ANKUB1: variants seen among roughly 807,000 people sequenced by gnomAD.
The protein encoded by ANKUB1 is ankyrin repeat and ubiquitin domain containing 1, also known as protein ANKUB1.
In ANKUB1, 42 loss-of-function variants were observed where a neutral mutation model predicts 49.3. The ratio of observed to expected loss-of-function variants is 0.85; its 90% CI spans 0.67 to 1.10. The LOEUF (loss-of-function observed/expected upper bound fraction) is 1.10, where lower values mean the gene tolerates loss of function less well. ANKUB1 is among the 50% of genes least tolerant of loss of function. The probability of loss-of-function intolerance (pLI) is 0.00; values close to 1 mark genes in which losing one functional copy is unlikely to be tolerated. For missense variants in ANKUB1, 613 were observed against 642.0 expected (o/e 0.95, Z 0.49); for synonymous variants, 222 against 231.0 (o/e 0.96, Z 0.35).
chr3:149,791,222 C>T (rs1435301993), intron 1 of ANKUB1, among the ~76,000 whole-genome samples: 1 of 152,148 alleles, frequency 6.6e-6, no homozygotes, highest in Non-Finnish European at 1.5e-5. Context: ...CTGTGACTGA[C>T]ACCAATAGAA....
chr3:149,777,693 C>T (rs987926923), intron 3 of ANKUB1, among the ~76,000 whole-genome samples: 2 of 152,174 alleles, frequency 1.3e-5, no homozygotes, highest in Non-Finnish European at 2.9e-5. Context: ...TCCCTTCCTC[C>T]TCTCAGATGA....
chr3:149,767,151 C>T lies in ANKUB1; in HGVS notation c.1505+6G>A. 3 of 1,507,266 alleles carry T rather than the reference C, an allele frequency of 2.0e-6. No individual in the cohort carries two copies. Among genetic ancestry groups the T allele is most frequent in the Non-Finnish European group, 2.7e-6 (3 of 1,128,328 alleles). 93.4% of individuals were successfully genotyped at this position (1,507,266 alleles called of 1,614,324 possible). A position where few individuals can be genotyped will look rare whatever the true frequency, so the allele number is the denominator to read the frequency against. ...GCTGTTTGTATGTTTAAGGGGAGAA[C>T]ATTACCTTGCCACAGCTAAGCAGTA... On this transcript the variant is annotated splice_donor_region_variant and intron_variant, in intron 5 of 5. Coordinates refer to ENST00000446160, the MANE Select transcript of ANKUB1 (RefSeq NM_001144960.3).
intron 5 of ANKUB1, among the ~76,000 whole-genome samples, chr3:149,764,239 G>T (rs1020345688): frequency 6.6e-6 from 1 of 152,138 alleles, no homozygotes; most frequent in Non-Finnish European, 1.5e-5. Context: ...TCAGGTAGAT[G>T]TAAGTGCTTT....
intron 3 of ANKUB1, among the ~76,000 whole-genome samples, chr3:149,775,921 A>G (rs1359931337): frequency 1.3e-5 from 2 of 151,646 alleles, no homozygotes; most frequent in Admixed American, 6.6e-5. Flanking sequence ...GTGTGTGTGC[A>G]TGTATATGTA....
chr3:149,792,420 G>T lies in ANKUB1; in HGVS notation c.-54C>A. On this transcript the variant is annotated 5_prime_UTR_variant, in exon 1 of 6. Coordinates refer to ENST00000446160, the MANE Select transcript of ANKUB1 (RefSeq NM_001144960.3). ...ATCCAACTTTTTCAAAGATTCTCCT[G>T]GATGGCTAGAAAAATTCCGGTTCAC... is the stretch of plus-strand genomic sequence containing the variant. 7.4e-7 allele frequency: 1 copy of T among 1,356,062 alleles called. No homozygotes were observed. Among genetic ancestry groups the T allele is most frequent in the Non-Finnish European group, 9.8e-7 (1 of 1,019,810 alleles). 84.0% of individuals were successfully genotyped at this position (1,356,062 alleles called of 1,614,324 possible).
intron 2 of ANKUB1, 42 bp downstream of exon 2, chr3:149,790,739 T>A: frequency 1.3e-6 from 2 of 1,503,834 alleles, no homozygotes; most frequent in Non-Finnish European, 1.8e-6. Context: ...TTATTCAAAA[T>A]GAGATAGATA....
chr3:149,782,770 C>T (rs2108277059), intron 2 of ANKUB1, among the ~76,000 whole-genome samples: 1 of 152,152 alleles, frequency 6.6e-6, no homozygotes, highest in Non-Finnish European at 1.5e-5. Context: ...GACCCCCTGG[C>T]CTCAAGCAAT....
chr3:149,763,395 G>T (rs1013713247), intron 5 of ANKUB1, among the ~76,000 whole-genome samples: 2 of 152,128 alleles, frequency 1.3e-5, no homozygotes, highest in Non-Finnish European at 2.9e-5. Context: ...AAAAAGATGC[G>T]TATTGAGCAC....
chr3:149,780,321 G>A lies in ANKUB1; in HGVS notation c.369C>T (p.Pro123=), dbSNP rs750257988. ...RTLVTLRCGL[P]VSVYCLRTPR... is the part of the protein sequence containing the mutation. ...GGGTTCGGAGACAGTAGACACTCAC[G>A]GGGAGGCCACATCTCAGAGTTACCA... Residue 123 remains proline, a synonymous_variant, in exon 3 of 6, where the codon CCC becomes CCT. Transcript: ENST00000446160. The A allele has an allele frequency of 5.7e-5, 88 of 1,551,790 alleles. No individual in the cohort carries two copies. Among genetic ancestry groups the A allele is most frequent in the Non-Finnish European group, 7.1e-5 (81 of 1,147,012 alleles).
chr3:149,786,094 G>A (rs1226355405), intron 2 of ANKUB1, among the ~76,000 whole-genome samples: 2 of 152,074 alleles, frequency 1.3e-5, no homozygotes, highest in African/African-American at 4.8e-5. Flanking sequence ...AGAGTGCAGT[G>A]GTGCTATCTC....
chr3:149,761,659 T>G (rs920477228), intron 5 of ANKUB1, 46 bp from the exon 6 acceptor site: 26 of 1,528,642 alleles, frequency 1.7e-5, no homozygotes, highest in Non-Finnish European at 2.0e-5. Flanking sequence ...TGATCTTGTC[T>G]GCATACATAG....
At chr3:149,773,756 G>A (rs1413370141) in intron 3 of ANKUB1, among the ~76,000 whole-genome samples, 3 of 152,120 alleles carry the variant, frequency 2.0e-5, no homozygotes, top group Non-Finnish European at 4.4e-5. Context: ...GCTTTAGCCT[G>A]GCCCCATACC....
chr3:149,766,625 C>A (rs1717026563), intron 5 of ANKUB1: 5 of 473,790 alleles, frequency 1.1e-5, no homozygotes, highest in South Asian at 9.5e-5. Context: ...CATGGTGAGT[C>A]CTCATCTCTA....
At chr3:149,763,878 T>G (rs140596165) in intron 5 of ANKUB1, 231 of 456,212 alleles carry the variant, frequency 5.1e-4, no homozygotes, top group African/African-American at 4.5e-3. Flanking sequence ...GAGTCAACCC[T>G]GAGAGGTTTA....
At chr3:149,780,670 G>T (rs568459349) in intron 2 of ANKUB1, among the ~76,000 whole-genome samples, 35 of 152,172 alleles carry the variant, frequency 2.3e-4, no homozygotes, top group Middle Eastern at 3.2e-3. Context: ...AAAAGACTTG[G>T]CAAGGCTTTG....
intron 3 of ANKUB1, among the ~76,000 whole-genome samples, chr3:149,772,119 G>A (rs1273544263): frequency 6.6e-6 from 1 of 151,024 alleles, no homozygotes; most frequent in Non-Finnish European, 1.5e-5. Context: ...CTGCCTCCCA[G>A]GCTCAAGTGA....
chr3:149,784,410 C>T (rs995329379), intron 2 of ANKUB1, among the ~76,000 whole-genome samples: 4 of 152,088 alleles, frequency 2.6e-5, no homozygotes, highest in African/African-American at 9.7e-5. Context: ...CTTTGAATTA[C>T]GAGCCAATAA....
At chr3:149,781,629 T>C (rs1717876740) in intron 2 of ANKUB1, among the ~76,000 whole-genome samples, 1 of 152,202 alleles carries the variant, frequency 6.6e-6, no homozygotes, top group Non-Finnish European at 1.5e-5. Context: ...AATCCCTCTC[T>C]GGTTCCTCCA....
chr3:149,778,356 T>C (rs1717697727), intron 3 of ANKUB1: 1 of 152,224 alleles, frequency 6.6e-6, no homozygotes, highest in Admixed American at 6.5e-5. Flanking sequence ...TATGTTGTCC[T>C]TGACACATGC....
Sources: gnomAD v4.1 joint callset for allele counts (sites outside exome capture counted in the v4.1 genomes callset) on GRCh38, gnomAD v4.1.1 for gene constraint, MANE v1.5 for transcripts, NCBI Gene and HGNC (gene_info 2026-07-23, HGNC 2026-07-21) for gene names.